The following MINK1 variants were observed in gnomAD, a reference collection of about 807,000 sequenced individuals.
The protein encoded by MINK1 is misshapen-like kinase 1.
MINK1 carries 46 observed loss-of-function variants against 178.4 expected under a neutral mutation model. The observed-to-expected ratio is 0.26, with a 90% CI of 0.20 to 0.33. The LOEUF is 0.33. MINK1 is among the 10% of genes least tolerant of loss of function. The pLI, the probability that MINK1 is intolerant of heterozygous loss-of-function variation, is 1.00. For synonymous variants in MINK1, 797 were observed against 709.7 expected (o/e 1.12, Z -1.96); for missense variants, 1,366 against 1,814.9 (o/e 0.75, Z 4.49).
chr17:4,837,692 G>T (rs1416210313), intron 1 of MINK1, among the ~76,000 whole-genome samples: 1 of 152,212 alleles, frequency 6.6e-6, no homozygotes, highest in Non-Finnish European at 1.5e-5. Flanking sequence ...CTTTCCTTTT[G>T]CATTGCTCCT....
chr17:4,896,414 C>T lies in MINK1; in HGVS notation c.3616-15C>T, dbSNP rs978131060. 8 of 1,613,258 alleles carry T rather than the reference C, an allele frequency of 5.0e-6. No individual in the cohort carries two copies. The highest frequency in any genetic ancestry group is 6.8e-6 in the Non-Finnish European group (8 of 1,179,534). ...CACCAGACACGGAGACTCTAGTCCCCCTCCTTCTCCCCAGATCCAGAGCCA... is the reference window on the plus strand; with the variant it reads ...CACCAGACACGGAGACTCTAGTCCCTCTCCTTCTCCCCAGATCCAGAGCCA... On this transcript the variant is annotated splice_polypyrimidine_tract_variant and intron_variant, in intron 29 of 31. Transcript: ENST00000355280. This position sits in a 1 kb window ranked among gnomAD's most constrained non-coding sequence, Gnocchi z 4.6.
intron 1 of MINK1, among the ~76,000 whole-genome samples, chr17:4,835,867 C>A (rs879721676): frequency 5.3e-5 from 8 of 152,160 alleles, no homozygotes; most frequent in Non-Finnish European, 8.8e-5. Context: ...GCCTTACTCT[C>A]CTCTCCCCTC....
Position 4,897,549 on chromosome 17 carries a change from G to C in MINK1, c.*262G>C, listed in dbSNP as rs1969681616. On this transcript the variant is annotated 3_prime_UTR_variant, in exon 32 of 32. Transcript: ENST00000355280. ...ACAGCTTCCCCTTCCCAGGAATTGA[G>C]TGGGCCTAGCCCCTCCCCCCTTTTC... The C allele has an allele frequency of 2.1e-6, 1 of 479,510 alleles. No individual in the cohort carries two copies. Among genetic ancestry groups the C allele is most frequent in the East Asian group, 3.9e-5 (1 of 25,878 alleles). 29.7% of individuals were successfully genotyped at this position (479,510 alleles called of 1,614,324 possible).
Position 4,897,352 on chromosome 17 carries a change from G to A in MINK1, c.*65G>A, listed in dbSNP as rs1597605236. On this transcript the variant is annotated 3_prime_UTR_variant, in exon 32 of 32. Coordinates refer to ENST00000355280, the MANE Select transcript of MINK1 (RefSeq NM_153827.5). ...TCTCCCCCTGCAGCCAGGCTTCCCG[G>A]GCCGCCCCTCTTTCCCCTCCCTGGG... 4.0e-6 allele frequency: 6 copies of A among 1,496,294 alleles called. No homozygotes were observed. The highest frequency in any genetic ancestry group is 1.4e-5 in the African/African-American group (1 of 72,404). 92.7% of individuals were successfully genotyped at this position (1,496,294 alleles called of 1,614,324 possible).
In MINK1 at chr17:4,853,300, GGAGTGTGGTTGGTGGGAA is replaced by G. The variant is rs1370979387; in HGVS notation, c.57+19677_57+19694del. On this transcript the variant is annotated intron_variant, in intron 1 of 31. Transcript: ENST00000355280. Reference sequence around the variant, plus strand: ...GTTGGTAGGTAGAGTGGTTGGTGGGGGAGTGTGGTTGGTGGGAAGAGTGTGGTTGGTGGGGGAGTGTGG... The same window carrying G: ...GTTGGTAGGTAGAGTGGTTGGTGGGGGAGTGTGGTTGGTGGGGGAGTGTGG... 2.2e-3 allele frequency among the ~76,000 whole-genome samples: 199 copies of G among 88,532 alleles called. 1 individual carries two copies. The highest frequency in any genetic ancestry group is 3.9e-3 in the Non-Finnish European group (166 of 42,980). The allele number at this position is 88,532 out of a possible 152,430, so 58.1% of individuals were successfully genotyped here.
intron 4 of MINK1, among the ~76,000 whole-genome samples, chr17:4,882,077 A>G (rs1368519927): frequency 6.6e-6 from 1 of 152,232 alleles, no homozygotes; most frequent in African/African-American, 2.4e-5. Context: ...ACTCATGCAC[A>G]CAAAGAAAGG....
At chr17:4,855,846 C>T (rs1913032045) in intron 1 of MINK1, among the ~76,000 whole-genome samples, 1 of 148,582 alleles carries the variant, frequency 6.7e-6, no homozygotes, top group Admixed American at 6.7e-5. Context: ...TGGTAGCAGG[C>T]ACCTGTAATC....
chr17:4,870,203 C>T (rs972953781), intron 1 of MINK1, among the ~76,000 whole-genome samples: 8 of 149,876 alleles, frequency 5.3e-5, no homozygotes, highest in Admixed American at 2.7e-4. Flanking sequence ...TGAGTCACTG[C>T]GCCCGGCCAA....
intron 1 of MINK1, among the ~76,000 whole-genome samples, chr17:4,850,804 T>G (rs1911829487): frequency 6.6e-6 from 1 of 152,198 alleles, no homozygotes; most frequent in African/African-American, 2.4e-5. Context: ...GTGCTGCAAT[T>G]GAAAACCAGC....
Position 4,833,766 on chromosome 17 carries a change from C to A in MINK1, c.57+126C>A. 1 of 728,392 alleles carries A rather than the reference C, an allele frequency of 1.4e-6. No homozygotes were observed. Among genetic ancestry groups the A allele is most frequent in the Non-Finnish European group, 2.1e-6 (1 of 485,668 alleles). 45.1% of individuals were successfully genotyped at this position (728,392 alleles called of 1,614,324 possible). ...ACCAGCTTGGGTCCCCTTGGCGACC[C>A]GTGCCCCTTTCCCGGACTCCCGCCG... is the stretch of plus-strand genomic sequence containing the variant. On this transcript the variant is annotated intron_variant, in intron 1 of 31. Transcript: ENST00000355280. This position sits in a 1 kb window ranked among gnomAD's most constrained non-coding sequence, Gnocchi z 4.8.
Position 4,897,461 on chromosome 17 carries a change from ATCCTCTTCCCCAACATG to A in MINK1, c.*185_*201del, listed in dbSNP as rs1238264205. 21 of 593,182 alleles carry A rather than the reference ATCCTCTTCCCCAACATG, an allele frequency of 3.5e-5. No homozygotes were observed. The highest frequency in any genetic ancestry group is 1.3e-4 in the South Asian group (6 of 47,690). 36.7% of individuals were successfully genotyped at this position (593,182 alleles called of 1,614,324 possible). ...CTGATGCTTTCGTGATCACGTGACC[ATCCTCTTCCCCAACATG>A]TCCTCTTCCCAAAACTGTGCCTGTC... is the stretch of plus-strand genomic sequence containing the variant. On this transcript the variant is annotated 3_prime_UTR_variant, in exon 32 of 32. Transcript: ENST00000355280.
intron 1 of MINK1, chr17:4,847,164 G>A (rs1351384512): frequency 4.1e-6 from 2 of 482,002 alleles, no homozygotes; most frequent in Non-Finnish European, 4.2e-6. Flanking sequence ...TGCCTTTGAG[G>A]CAATGTGATC....
chr17:4,835,649 A>AC (rs1414317867), intron 1 of MINK1, among the ~76,000 whole-genome samples: 1 of 152,046 alleles, frequency 6.6e-6, no homozygotes, highest in African/African-American at 2.4e-5. Flanking sequence ...ACAAAACAAA[A>AC]AAACGGGGCG....
In MINK1 at chr17:4,897,469, CCCCAACATGTCCTCTT is replaced by C. The variant is rs944871592; in HGVS notation, c.*188_*203del. ...TTCGTGATCACGTGACCATCCTCTT[CCCCAACATGTCCTCTT>C]CCCAAAACTGTGCCTGTCCCCAGCT... On this transcript the variant is annotated 3_prime_UTR_variant, in exon 32 of 32. Coordinates refer to ENST00000355280, the MANE Select transcript of MINK1 (RefSeq NM_153827.5). The C allele has an allele frequency of 5.1e-6, 3 of 586,298 alleles. No individual in the cohort carries two copies. The highest frequency in any genetic ancestry group is 9.1e-6 in the Non-Finnish European group (3 of 331,028). The allele number at this position is 586,298 out of a possible 1,614,324, so 36.3% of individuals were successfully genotyped here. A position where few individuals can be genotyped will look rare whatever the true frequency, so the allele number is the denominator to read the frequency against.
chr17:4,856,666 C>T (rs1913203085), intron 1 of MINK1: 1 of 152,204 alleles, frequency 6.6e-6, no homozygotes. Flanking sequence ...TCTAATTCAT[C>T]CTTATACATA....
At chr17:4,867,074 AAATAATAATAAT>A (rs56934978) in intron 1 of MINK1, among the ~76,000 whole-genome samples, 2 of 119,966 alleles carry the variant, frequency 1.7e-5, no homozygotes, top group African/African-American at 3.3e-5. Flanking sequence ...ACTCGTCTCA[AAATAATAATAAT>A]AATAATAATA....
At chr17:4,893,771 G>A in intron 21 of MINK1, 174 bp downstream of exon 21, 4 of 1,089,112 alleles carry the variant, frequency 3.7e-6, no homozygotes, top group Admixed American at 3.0e-5. Context: ...TGTGTTGTGG[G>A]GTGGCCTCTT....
chr17:4,897,471 C>T lies in MINK1; in HGVS notation c.*184C>T. ...CGTGATCACGTGACCATCCTCTTCCCCAACATGTCCTCTTCCCAAAACTGT... is the reference window on the plus strand; with the variant it reads ...CGTGATCACGTGACCATCCTCTTCCTCAACATGTCCTCTTCCCAAAACTGT... On this transcript the variant is annotated 3_prime_UTR_variant, in exon 32 of 32. Coordinates refer to ENST00000355280, the MANE Select transcript of MINK1 (RefSeq NM_153827.5). 1 of 581,800 alleles carries T rather than the reference C, an allele frequency of 1.7e-6. No individual in the cohort carries two copies. The highest frequency in any genetic ancestry group is 3.1e-5 in the Admixed American group (1 of 31,994). The allele number at this position is 581,800 out of a possible 1,614,324, so 36.0% of individuals were successfully genotyped here. A position where few individuals can be genotyped will look rare whatever the true frequency, so the allele number is the denominator to read the frequency against.
At chr17:4,835,105 TTGA>T (rs1325224417) in intron 1 of MINK1, among the ~76,000 whole-genome samples, 1 of 152,096 alleles carries the variant, frequency 6.6e-6, no homozygotes, top group Non-Finnish European at 1.5e-5. Flanking sequence ...TGTGTGTGTG[TTGA>T]TGAGGAGAGG....
Sources: allele counts gnomAD v4.1 joint callset (sites outside exome capture counted in the v4.1 genomes callset), GRCh38; gene constraint gnomAD v4.1.1; non-coding constraint Gnocchi (gnomAD v3.1); transcripts MANE v1.5; gene names NCBI Gene and HGNC (gene_info 2026-07-23, HGNC 2026-07-21).